The following KIRREL3 variants were observed in gnomAD, a reference collection of about 807,000 sequenced individuals.
The protein encoded by KIRREL3 is kirre like nephrin family adhesion molecule 3.
Under a neutral mutation model 89.7 loss-of-function variants are expected in KIRREL3, and 36 were observed. That is an observed-to-expected ratio of 0.40 (90% CI 0.31 to 0.53). The LOEUF is 0.53. Ranked by LOEUF, KIRREL3 falls within the 20% of genes least tolerant of loss-of-function variation. The pLI is 0.49. For missense variants in KIRREL3, 864 were observed against 1,056.6 expected (o/e 0.82, Z 2.53); for synonymous variants, 445 against 441.4 (o/e 1.01, Z -0.10).
rs149281994 is a variant in KIRREL3, at chr11:126,867,611, G to A, written c.55+132844C>T. ...GTTAATAACATTAATACATTTCACCGAATGATTACCGAGTGCCATGCCCCA... is the reference window on the plus strand; with the variant it reads ...GTTAATAACATTAATACATTTCACCAAATGATTACCGAGTGCCATGCCCCA... On this transcript the variant is annotated intron_variant, in intron 1 of 16. Coordinates refer to ENST00000525144, the MANE Select transcript of KIRREL3 (RefSeq NM_032531.4). This position sits in a 1 kb window ranked among gnomAD's most constrained non-coding sequence, Gnocchi z 4.7. Among the ~76,000 whole-genome samples the A allele has an allele frequency of 8.1e-4, 123 of 152,254 alleles. No homozygotes were observed. The highest frequency in any genetic ancestry group is 3.4e-3 in the Middle Eastern group (1 of 294).
chr11:126,748,642 A>C lies in KIRREL3; in HGVS notation c.56-185730T>G, dbSNP rs576383244. Reference sequence around the variant, plus strand: ...GAAGAGGCCTCTGCGGGAAGGGGGCAGGGGCAGGAAGGCCAAGGCTGATTC... The same window carrying C: ...GAAGAGGCCTCTGCGGGAAGGGGGCCGGGGCAGGAAGGCCAAGGCTGATTC... On this transcript the variant is annotated intron_variant, in intron 1 of 16. Coordinates refer to ENST00000525144, the MANE Select transcript of KIRREL3 (RefSeq NM_032531.4). This position sits in a 1 kb window ranked among gnomAD's most constrained non-coding sequence, Gnocchi z 4.6. Among the ~76,000 whole-genome samples, 298 of 152,200 alleles carry C rather than the reference A, an allele frequency of 2.0e-3. No homozygotes were observed. Among genetic ancestry groups the C allele is most frequent in the Admixed American group, 3.7e-3 (56 of 15,286 alleles).
intron 1 of KIRREL3, among the ~76,000 whole-genome samples, chr11:126,711,830 C>T (rs1231351762): frequency 6.6e-6 from 1 of 152,202 alleles, no homozygotes; most frequent in Non-Finnish European, 1.5e-5. Flanking sequence ...AGCCTCCCCT[C>T]CCAGCTGCCC....
chr11:126,915,544 T>C (rs1947004185), intron 1 of KIRREL3, among the ~76,000 whole-genome samples: 1 of 152,158 alleles, frequency 6.6e-6, no homozygotes, highest in African/African-American at 2.4e-5. Context: ...CATCATAGGC[T>C]TCCTTTGCCT....
intron 1 of KIRREL3, among the ~76,000 whole-genome samples, chr11:126,679,359 C>T (rs996985846): frequency 1.3e-5 from 2 of 152,194 alleles, no homozygotes; most frequent in African/African-American, 4.8e-5. Flanking sequence ...GAGAAACATA[C>T]CTACATAATC....
chr11:126,681,096 C>G (rs1690478219), intron 1 of KIRREL3, among the ~76,000 whole-genome samples: 1 of 152,168 alleles, frequency 6.6e-6, no homozygotes, highest in Non-Finnish European at 1.5e-5. Flanking sequence ...TTTCCTGCAG[C>G]AATGACTAAA....
rs1314425449 is a variant in KIRREL3 at position 126,773,578 on chromosome 11, C to A, written c.56-210666G>T. Among the ~76,000 whole-genome samples the A allele has an allele frequency of 6.6e-6, 1 of 152,232 alleles. No homozygotes were observed. The highest frequency in any genetic ancestry group is 1.5e-5 in the Non-Finnish European group (1 of 68,050). ...AATTCAAAGCCAAAGAGTGCTAGAG[C>A]TGGGTCTAGATCCTAGATCACAGAG... On this transcript the variant is annotated intron_variant, in intron 1 of 16. Transcript: ENST00000525144. This position sits in a 1 kb window ranked among gnomAD's most constrained non-coding sequence, Gnocchi z 4.2.
intron 1 of KIRREL3, among the ~76,000 whole-genome samples, chr11:126,588,469 G>A (rs1475503148): frequency 3.3e-5 from 5 of 152,158 alleles, no homozygotes; most frequent in East Asian, 1.9e-4. Context: ...CCTTTCCTGG[G>A]ATAGCGACCT....
rs112644091 is a variant in KIRREL3, at chr11:126,651,116, G to A, written c.56-88204C>T. Among the ~76,000 whole-genome samples the A allele has an allele frequency of 0.02, 3,006 of 152,244 alleles. 132 individuals carry two copies. The highest frequency in any genetic ancestry group is 0.068 in the African/African-American group (2,825 of 41,552). ...CCTCCCACAACACATAGGAATTATGGGAGTACAATTCAAGATGATATGTGG... is the reference window on the plus strand; with the variant it reads ...CCTCCCACAACACATAGGAATTATGAGAGTACAATTCAAGATGATATGTGG... On this transcript the variant is annotated intron_variant, in intron 1 of 16. Coordinates refer to ENST00000525144, the MANE Select transcript of KIRREL3 (RefSeq NM_032531.4). The surrounding 1 kb of genome is among the most constrained non-coding windows in gnomAD (Gnocchi z 4.6).
intron 1 of KIRREL3, among the ~76,000 whole-genome samples, chr11:126,679,397 A>T (rs548039577): frequency 6.6e-6 from 1 of 152,224 alleles, no homozygotes; most frequent in Admixed American, 6.5e-5. Context: ...TGAGCAGCAT[A>T]TGCGTGTCCT....
At position 126,797,714 on chromosome 11, in the gene KIRREL3, CA is replaced by C. The variant is rs1565739708; in HGVS notation, c.55+202740del. Among the ~76,000 whole-genome samples, 8 of 152,168 alleles carry C rather than the reference CA, an allele frequency of 5.3e-5. No homozygotes were observed. The highest frequency in any genetic ancestry group is 2.9e-5 in the Non-Finnish European group (2 of 68,044). On this transcript the variant is annotated intron_variant, in intron 1 of 16. Coordinates refer to ENST00000525144, the MANE Select transcript of KIRREL3 (RefSeq NM_032531.4). This position sits in a 1 kb window ranked among gnomAD's most constrained non-coding sequence, Gnocchi z 4.9. ...TGTATATGAGGAAAGCACAGAATCACATGGTTGAAAAGAACTGTAATTGTAA... is the reference window on the plus strand; with the variant it reads ...TGTATATGAGGAAAGCACAGAATCACTGGTTGAAAAGAACTGTAATTGTAA...
In KIRREL3 at chr11:126,736,097, C is replaced by A. The variant is rs568021515; in HGVS notation, c.56-173185G>T. Among the ~76,000 whole-genome samples, 1 of 152,040 alleles carries A rather than the reference C, an allele frequency of 6.6e-6. No individual in the cohort carries two copies. The highest frequency in any genetic ancestry group is 1.5e-5 in the Non-Finnish European group (1 of 68,040). On this transcript the variant is annotated intron_variant, in intron 1 of 16. Coordinates refer to ENST00000525144, the MANE Select transcript of KIRREL3 (RefSeq NM_032531.4). This position sits in a 1 kb window ranked among gnomAD's most constrained non-coding sequence, Gnocchi z 5.0. Reference sequence around the variant, plus strand: ...ACATGTTGAATACATTTATTAGTTTCTTTCTTTCCATAGCTACTGCTGCTG... The same window carrying A: ...ACATGTTGAATACATTTATTAGTTTATTTCTTTCCATAGCTACTGCTGCTG...
In KIRREL3 at chr11:126,447,732, T is replaced by C. The variant is rs566329313; in HGVS notation, c.998-846A>G. On this transcript the variant is annotated intron_variant, in intron 8 of 16. Transcript: ENST00000525144. ...CGTGGCCAGGCAGGCCTCAGAGTGC[T>C]CCTTCCAGGGAGCAGACAGAGCCTG... Among the ~76,000 whole-genome samples the C allele has an allele frequency of 6.6e-5, 10 of 152,274 alleles. No individual in the cohort carries two copies. The South Asian group carries it at 1.2e-3, about 19-fold the overall frequency.
intron 1 of KIRREL3, among the ~76,000 whole-genome samples, chr11:126,928,982 GA>G (rs1947828955): frequency 6.6e-6 from 1 of 151,890 alleles, no homozygotes; most frequent in African/African-American, 2.4e-5. Flanking sequence ...TGGACAGAAA[GA>G]GAGAGTAAAA....
intron 1 of KIRREL3, among the ~76,000 whole-genome samples, chr11:126,815,695 G>A (rs1951546659): frequency 2.6e-5 from 4 of 152,014 alleles, no homozygotes; most frequent in African/African-American, 7.2e-5. Flanking sequence ...CACCACGCCC[G>A]GCTAATTTTT....
rs1947655106 is a variant in KIRREL3, at chr11:126,709,107, C to T, written c.56-146195G>A. Among the ~76,000 whole-genome samples the T allele has an allele frequency of 1.3e-5, 2 of 152,352 alleles. No individual in the cohort carries two copies. Among genetic ancestry groups the T allele is most frequent in the Admixed American group, 6.5e-5 (1 of 15,306 alleles). The stretch of plus-strand genomic sequence containing the variant: ...GAAGGAGAGGAGAGCCTACACTGTG[C>T]TGGGTCACTGTGTTACGCTATGTGC... On this transcript the variant is annotated intron_variant, in intron 1 of 16. Transcript: ENST00000525144. This position sits in a 1 kb window ranked among gnomAD's most constrained non-coding sequence, Gnocchi z 4.0.
rs560007975 is a variant in KIRREL3, at chr11:126,715,841, G to T, written c.56-152929C>A. ...AGGCCAGTGTTCCACCGTCAAGAGC[G>T]CAGAAAAGCCCTTGGTGCTCCTCTG... is the stretch of plus-strand genomic sequence containing the variant. On this transcript the variant is annotated intron_variant, in intron 1 of 16. Transcript: ENST00000525144. This position sits in a 1 kb window ranked among gnomAD's most constrained non-coding sequence, Gnocchi z 4.4. Among the ~76,000 whole-genome samples, 1 of 152,142 alleles carries T rather than the reference G, an allele frequency of 6.6e-6. No homozygotes were observed. The highest frequency in any genetic ancestry group is 1.5e-5 in the Non-Finnish European group (1 of 68,034).
rs1023955681 is a variant in KIRREL3, at chr11:126,525,282, A to G, written c.283+1256T>C. 6.6e-6 allele frequency among the ~76,000 whole-genome samples: 1 copy of G among 152,216 alleles called. No individual in the cohort carries two copies. The highest frequency in any genetic ancestry group is 1.5e-5 in the Non-Finnish European group (1 of 68,042). ...CGCTCATCCCAGCTCGGAGCCATTC[A>G]GTGCATGAACTATTCTAGTTTGGGA... On this transcript the variant is annotated intron_variant, in intron 3 of 16. Transcript: ENST00000525144. The surrounding 1 kb of genome is among the most constrained non-coding windows in gnomAD (Gnocchi z 5.4).
At chr11:126,929,557 C>T (rs1312168657) in intron 1 of KIRREL3, among the ~76,000 whole-genome samples, 1 of 152,082 alleles carries the variant, frequency 6.6e-6, no homozygotes, top group African/African-American at 2.4e-5. Context: ...ATACCAAAAG[C>T]CAAATAAGAC....
chr11:126,638,961 C>T (rs978739224), intron 1 of KIRREL3, among the ~76,000 whole-genome samples: 1 of 152,062 alleles, frequency 6.6e-6, no homozygotes, highest in South Asian at 2.1e-4. Context: ...ACTGCATCCC[C>T]GGGGGCTGGA....
Sources: allele counts gnomAD v4.1 joint callset (sites outside exome capture counted in the v4.1 genomes callset), GRCh38; gene constraint gnomAD v4.1.1; non-coding constraint Gnocchi (gnomAD v3.1); transcripts MANE v1.5; gene names NCBI Gene and HGNC (gene_info 2026-07-23, HGNC 2026-07-21).